The following SLC41A3 variants were observed in gnomAD, a reference collection of about 807,000 sequenced individuals.
SLC41A3 encodes the protein solute carrier family 41 member 3.
Under a neutral mutation model 45.4 loss-of-function variants are expected in SLC41A3, and 44 were observed. The ratio of observed to expected loss-of-function variants is 0.97; its 90% CI spans 0.76 to 1.25. SLC41A3 has a LOEUF of 1.25. Among genes scored for constraint, SLC41A3 ranks in the 50% most tolerant of loss-of-function variants. SLC41A3 has a pLI of 0.00. For missense variants in SLC41A3, 550 were observed against 600.6 expected (o/e 0.92, Z 0.88); for synonymous variants, 256 against 252.4 (o/e 1.01, Z -0.13).
Position 126,067,106 on chromosome 3 carries a change from CCG to C in SLC41A3, c.273+839_273+840del, listed in dbSNP as rs1391506239. Among the ~76,000 whole-genome samples the C allele has an allele frequency of 4.1e-4, 34 of 81,982 alleles. 4 individuals carry two copies. The highest frequency in any genetic ancestry group is 1.2e-3 in the African/African-American group (30 of 25,784). The allele number at this position is 81,982 out of a possible 152,430, so 53.8% of individuals were successfully genotyped here. Reference sequence around the variant, plus strand: ...GTGGGTTGGACCGCCCCCCCGCCCCCCGCCCCGGCCACCGCACCACTAAGCAG... The same window carrying C: ...GTGGGTTGGACCGCCCCCCCGCCCCCCCCCGGCCACCGCACCACTAAGCAG... On this transcript the variant is annotated intron_variant, in intron 2 of 10. Transcript: ENST00000360370.
At chr3:126,042,082 C>T (rs1224621262) in intron 3 of SLC41A3, among the ~76,000 whole-genome samples, 1 of 152,194 alleles carries the variant, frequency 6.6e-6, no homozygotes, top group Non-Finnish European at 1.5e-5. Context: ...GCCCAAGTAA[C>T]TGGTTTCTGT....
At chr3:126,049,029 G>A (rs985320304) in intron 3 of SLC41A3, among the ~76,000 whole-genome samples, 8 of 152,186 alleles carry the variant, frequency 5.3e-5, no homozygotes, top group Admixed American at 1.3e-4. Context: ...GGCCAGGCGC[G>A]GTGGCTCACG....
At position 126,089,563 on chromosome 3, in the gene SLC41A3, C is replaced by A. The variant is rs149364378; in HGVS notation, c.-79+11866G>T. Reference sequence around the variant, plus strand: ...ACCAAATGGGAACTAGTAAGGTTTTCTGAACCCACATACTATAGGGTAGAA... The same window carrying A: ...ACCAAATGGGAACTAGTAAGGTTTTATGAACCCACATACTATAGGGTAGAA... On this transcript the variant is annotated intron_variant, in intron 1 of 9. Transcript: ENST00000508835. 3.9e-5 allele frequency among the ~76,000 whole-genome samples: 6 copies of A among 152,244 alleles called. No homozygotes were observed. In the East Asian group the frequency reaches 7.7e-4, roughly 20 times the overall value.
At chr3:126,065,368 C>T (rs1019890548) in intron 2 of SLC41A3, among the ~76,000 whole-genome samples, 6 of 152,186 alleles carry the variant, frequency 3.9e-5, no homozygotes, top group Non-Finnish European at 8.8e-5. Flanking sequence ...CACATGTTGC[C>T]AAATCTTCTG....
rs1392760316 is a variant in SLC41A3, at chr3:126,044,902, A to C, written c.381+6041T>G. Among the ~76,000 whole-genome samples, 8 of 50,338 alleles carry C rather than the reference A, an allele frequency of 1.6e-4. No homozygotes were observed. The South Asian group carries it at 2.6e-3, about 17-fold the overall frequency. The allele number at this position is 50,338 out of a possible 152,430, so 33.0% of individuals were successfully genotyped here. On this transcript the variant is annotated intron_variant, in intron 3 of 10. Coordinates refer to ENST00000360370, the MANE Select transcript of SLC41A3 (RefSeq NM_017836.4). ...CAGAGCGAGACTCCATCTCAAAAAA[A>C]AAAAAAAAAAAAAAAAAAAAAATCA...
chr3:126,060,784 G>C (rs936381248), intron 2 of SLC41A3, among the ~76,000 whole-genome samples: 1 of 152,196 alleles, frequency 6.6e-6, no homozygotes, highest in Non-Finnish European at 1.5e-5. Flanking sequence ...CCAGCTGCAC[G>C]GAGCAGCAGG....
chr3:126,060,598 A>G (rs1190425255), intron 2 of SLC41A3, among the ~76,000 whole-genome samples: 1 of 152,246 alleles, frequency 6.6e-6, no homozygotes, highest in Non-Finnish European at 1.5e-5. Flanking sequence ...TTTATAAATA[A>G]AAAACTATCA....
chr3:126,058,443 C>A (rs1182385426), intron 2 of SLC41A3, among the ~76,000 whole-genome samples: 2 of 152,184 alleles, frequency 1.3e-5, no homozygotes, highest in East Asian at 1.9e-4. Flanking sequence ...CACTTCCAAG[C>A]CTGCCTCTCC....
intron 1 of SLC41A3, among the ~76,000 whole-genome samples, chr3:126,072,059 G>A (rs752473233): frequency 6.6e-6 from 1 of 152,010 alleles, no homozygotes; most frequent in Non-Finnish European, 1.5e-5. Context: ...ACAGGCATGA[G>A]CCACCATGCC....
In SLC41A3 at chr3:126,051,000, G is replaced by C; in HGVS notation, c.324C>G (p.Pro108=). The change falls in exon 3 of 11, where the codon CCC becomes CCG. Residue 108 remains proline (P), a synonymous_variant. Coordinates refer to ENST00000360370, the MANE Select transcript of SLC41A3 (RefSeq NM_017836.4). The part of the protein sequence containing the change: ...EVKDLLTLVP[P]LVGLKGNLEM... ...CCAGGTTCCCCTTCAGGCCCACCAG[G>C]GGCGGCACCAATGTCAAAAGGTCTT... 1 of 1,612,566 alleles carries C rather than the reference G, an allele frequency of 6.2e-7. No homozygotes were observed. Among genetic ancestry groups the C allele is most frequent in the Non-Finnish European group, 8.5e-7 (1 of 1,179,304 alleles).
chr3:126,066,408 T>C (rs1483655595), intron 2 of SLC41A3, among the ~76,000 whole-genome samples: 14 of 152,226 alleles, frequency 9.2e-5, no homozygotes, highest in Admixed American at 7.8e-4. Flanking sequence ...ATATGAACCA[T>C]GTGTGTTTTA....
At chr3:126,093,715 A>G (rs1448668936) in intron 1 of SLC41A3, among the ~76,000 whole-genome samples, 1 of 152,274 alleles carries the variant, frequency 6.6e-6, no homozygotes, top group African/African-American at 2.4e-5. Context: ...GAGAGCACAT[A>G]GCACAGCTCC....
In SLC41A3 at chr3:126,032,202, C is replaced by T. The variant is rs544483233; in HGVS notation, c.453+1405G>A. Among the ~76,000 whole-genome samples the T allele has an allele frequency of 1.5e-4, 23 of 152,224 alleles. No individual in the cohort carries two copies. In the South Asian group the frequency reaches 4.4e-3, roughly 29 times the overall value. ...CAGGCCCACAGTTGGACGAGAGGAG[C>T]CAGTGAAGGAGAGGAGGCATAACTG... On this transcript the variant is annotated intron_variant, in intron 4 of 10. Coordinates refer to ENST00000360370, the MANE Select transcript of SLC41A3 (RefSeq NM_017836.4).
rs533430748 is a variant in SLC41A3 at position 126,055,697 on chromosome 3, A to G, written c.274-4647T>C. On this transcript the variant is annotated intron_variant, in intron 2 of 10. Transcript: ENST00000360370. The stretch of plus-strand genomic sequence containing the variant: ...CTCTACGAAATGTTTCAGTTGACAG[A>G]TAGCACAAACCTCTCAATGATTCCA... 7.2e-5 allele frequency among the ~76,000 whole-genome samples: 11 copies of G among 152,176 alleles called. No individual in the cohort carries two copies. The South Asian group carries it at 2.3e-3, about 32-fold the overall frequency.
intron 2 of SLC41A3, among the ~76,000 whole-genome samples, chr3:126,052,753 C>G (rs1943415619): frequency 6.6e-6 from 1 of 152,204 alleles, no homozygotes; most frequent in African/African-American, 2.4e-5. Flanking sequence ...ACCTCACTAT[C>G]CACCCCATCT....
chr3:126,055,724 T>C (rs1391559788), intron 2 of SLC41A3, among the ~76,000 whole-genome samples: 1 of 152,160 alleles, frequency 6.6e-6, no homozygotes. Context: ...ATGATTCCAA[T>C]ACGCTGCCCA....
At chr3:126,058,920 C>G (rs1943841996) in intron 2 of SLC41A3, among the ~76,000 whole-genome samples, 1 of 152,158 alleles carries the variant, frequency 6.6e-6, no homozygotes, top group South Asian at 2.1e-4. Context: ...TCATGGCCAG[C>G]TGAGGCACCT....
intron 1 of SLC41A3, among the ~76,000 whole-genome samples, chr3:126,071,582 T>C (rs561662889): frequency 9.9e-5 from 15 of 152,244 alleles, no homozygotes; most frequent in South Asian, 8.3e-4. Context: ...CGCGCAACAA[T>C]AGCAGAATAC....
At chr3:126,036,024 T>C (rs4552306) in intron 3 of SLC41A3, among the ~76,000 whole-genome samples, 52,940 of 152,090 alleles carry the variant, frequency 0.35, 10,332 homozygotes, top group African/African-American at 0.54. Context: ...TTTTCCTCAA[T>C]AGAAGGGTTT....
Sources: gnomAD v4.1 joint callset for allele counts (sites outside exome capture counted in the v4.1 genomes callset) on GRCh38, gnomAD v4.1.1 for gene constraint, MANE v1.5 for transcripts, NCBI Gene and HGNC (gene_info 2026-07-23, HGNC 2026-07-21) for gene names.